Variants in B4GALT6 observed in about 807,000 individuals in gnomAD.
B4GALT6 encodes beta-1,4-galactosyltransferase 6.
In B4GALT6, 14 loss-of-function variants were observed where a neutral mutation model predicts 46.3. The observed-to-expected ratio is 0.30, with a 90% CI of 0.20 to 0.47. The LOEUF (loss-of-function observed/expected upper bound fraction) is 0.47, where lower values mean the gene tolerates loss of function less well. B4GALT6 is among the 20% of genes least tolerant of loss of function. B4GALT6 has a pLI of 0.99. For synonymous variants in B4GALT6, 168 were observed against 162.0 expected (o/e 1.04, Z -0.28); for missense variants, 386 against 480.1 (o/e 0.80, Z 1.83).
chr18:31,684,084 T>G (rs570113857), intron 1 of B4GALT6, among the ~76,000 whole-genome samples: 1 of 152,224 alleles, frequency 6.6e-6, no homozygotes, highest in African/African-American at 2.4e-5. Context: ...AATGCAATCT[T>G]TTACGTTATT....
At chr18:31,642,470 G>A (rs887873288) in intron 4 of B4GALT6, among the ~76,000 whole-genome samples, 2 of 152,194 alleles carry the variant, frequency 1.3e-5, no homozygotes, top group Admixed American at 6.5e-5. Context: ...TCAAGCAGCT[G>A]CCTGGTTCTT....
At chr18:31,657,226 T>C (rs1218526403) in intron 3 of B4GALT6, among the ~76,000 whole-genome samples, 1 of 152,112 alleles carries the variant, frequency 6.6e-6, no homozygotes, top group African/African-American at 2.4e-5. Flanking sequence ...TATATTTTTT[T>C]TGCTATTTTG....
intron 5 of B4GALT6, among the ~76,000 whole-genome samples, chr18:31,636,054 T>C (rs1467744476): frequency 1.3e-5 from 2 of 152,194 alleles, no homozygotes; most frequent in African/African-American, 4.8e-5. Context: ...TCAACAAAGA[T>C]GCTAAAGCAA....
At chr18:31,714,481 C>A in the B4GALT6 span, among the ~76,000 whole-genome samples, 1 of 152,174 alleles carries the variant, frequency 6.6e-6, no homozygotes. Context: ...CACAGATGGG[C>A]AAGCCTGGGA....
At chr18:31,665,610 T>C (rs1007296597) in intron 2 of B4GALT6, among the ~76,000 whole-genome samples, 4 of 152,104 alleles carry the variant, frequency 2.6e-5, no homozygotes, top group African/African-American at 9.6e-5. Context: ...GGCGTGGTGA[T>C]GGGCGCCTGT....
At chr18:31,644,236 G>A (rs1598884900) in intron 4 of B4GALT6, among the ~76,000 whole-genome samples, 1 of 152,198 alleles carries the variant, frequency 6.6e-6, no homozygotes, top group Non-Finnish European at 1.5e-5. Context: ...TTTGTAACAA[G>A]GCCAAAAAGG....
the B4GALT6 span, among the ~76,000 whole-genome samples, chr18:31,707,462 C>CA: frequency 4.0e-5 from 6 of 151,516 alleles, no homozygotes; most frequent in South Asian, 1.0e-3. Context: ...GCTTTTGCCA[C>CA]AAAAAAAGGT....
At chr18:31,685,037 C>A (rs1332385474), upstream of B4GALT6, among the ~76,000 whole-genome samples, 1 of 145,998 alleles carries the variant, frequency 6.8e-6, no homozygotes, top group African/African-American at 2.5e-5. Flanking sequence ...CCCGCGGGGG[C>A]CCTCGGGGCC....
chr18:31,641,261 T>C (rs572532504), intron 4 of B4GALT6, among the ~76,000 whole-genome samples: 1 of 152,350 alleles, frequency 6.6e-6, no homozygotes, highest in Admixed American at 6.5e-5. Flanking sequence ...TATTTAAATA[T>C]CAAGTGTTTT....
chr18:31,641,481 C>T (rs2073930198), intron 4 of B4GALT6, among the ~76,000 whole-genome samples: 1 of 152,204 alleles, frequency 6.6e-6, no homozygotes, highest in South Asian at 2.1e-4. Flanking sequence ...TCATCTGGCA[C>T]ATCAGTTCTT....
At chr18:31,717,518 T>TA in the B4GALT6 span, among the ~76,000 whole-genome samples, 1 of 152,060 alleles carries the variant, frequency 6.6e-6, no homozygotes, top group Non-Finnish European at 1.5e-5. Flanking sequence ...AATGGCTAGT[T>TA]AAAAAATAAT....
chr18:31,664,196 G>C (rs546644883), intron 2 of B4GALT6, among the ~76,000 whole-genome samples: 10 of 150,888 alleles, frequency 6.6e-5, no homozygotes, highest in African/African-American at 2.2e-4. Context: ...TAACCATGGA[G>C]CCACATGACA....
intron 2 of B4GALT6, among the ~76,000 whole-genome samples, chr18:31,664,946 A>G (rs1413845217): frequency 1.9e-4 from 29 of 152,208 alleles, no homozygotes; most frequent in Admixed American, 1.9e-3. Flanking sequence ...ATAAAACAAG[A>G]GTGTTTTGAT....
intron 6 of B4GALT6, among the ~76,000 whole-genome samples, chr18:31,630,711 G>C (rs904677699): frequency 2.6e-5 from 4 of 152,118 alleles, no homozygotes; most frequent in African/African-American, 9.7e-5. Context: ...AAATCTGTGT[G>C]TGCTTGACCA....
At chr18:31,687,640 C>G (rs181016106), upstream of B4GALT6, among the ~76,000 whole-genome samples, 1 of 152,318 alleles carries the variant, frequency 6.6e-6, no homozygotes, top group African/African-American at 2.4e-5. Flanking sequence ...TGAGACATAA[C>G]TTACAACAGT....
the B4GALT6 span, among the ~76,000 whole-genome samples, chr18:31,705,142 T>C: frequency 3.3e-5 from 5 of 152,332 alleles, 1 homozygote; most frequent in African/African-American, 1.2e-4. Context: ...TTCATGTCTT[T>C]TTACTGCCAT....
At chr18:31,644,281 C>T (rs931451813) in intron 4 of B4GALT6, among the ~76,000 whole-genome samples, 2 of 152,212 alleles carry the variant, frequency 1.3e-5, no homozygotes, top group African/African-American at 4.8e-5. Context: ...TTCAACAAAA[C>T]TGTGTTTAGT....
the B4GALT6 span, among the ~76,000 whole-genome samples, chr18:31,720,678 A>T: frequency 1.3e-5 from 2 of 152,184 alleles, no homozygotes; most frequent in Non-Finnish European, 2.9e-5. Context: ...AATGGAATGA[A>T]ATAATGTGAA....
chr18:31,675,669 AG>A (rs1166111312), intron 1 of B4GALT6, among the ~76,000 whole-genome samples: 2 of 152,206 alleles, frequency 1.3e-5, no homozygotes, highest in African/African-American at 4.8e-5. Context: ...GAGGAAATGA[AG>A]AAATCAAGGA....
Sources: allele counts gnomAD v4.1 joint callset (sites outside exome capture counted in the v4.1 genomes callset), GRCh38; gene constraint gnomAD v4.1.1; transcripts MANE v1.5; gene names NCBI Gene and HGNC (gene_info 2026-07-23, HGNC 2026-07-21).